The following SPAG16 variants were observed in gnomAD, a reference collection of about 807,000 sequenced individuals.
The protein encoded by SPAG16 is sperm-associated antigen 16 protein.
Under a neutral mutation model 80.4 loss-of-function variants are expected in SPAG16, and 86 were observed. The ratio of observed to expected loss-of-function variants is 1.07; its 90% CI spans 0.90 to 1.28. The LOEUF is 1.28. Ranked by LOEUF, SPAG16 falls within the 50% of genes most tolerant of loss-of-function variation. The pLI is 0.00. For missense variants in SPAG16, 870 were observed against 765.3 expected (o/e 1.14, Z -1.61); for synonymous variants, 294 against 265.9 (o/e 1.11, Z -1.03).
chr2:213,535,683 C>G (rs1402382329), intron 10 of SPAG16, among the ~76,000 whole-genome samples: 2 of 152,040 alleles, frequency 1.3e-5, no homozygotes, highest in Non-Finnish European at 2.9e-5. Flanking sequence ...CAGTTTTTAA[C>G]ATTTATGAGT....
At chr2:214,211,195 T>TTAG (rs1456513385) in intron 15 of SPAG16, among the ~76,000 whole-genome samples, 3 of 152,174 alleles carry the variant, frequency 2.0e-5, no homozygotes, top group African/African-American at 7.2e-5. Context: ...TTTGAATGTA[T>TTAG]TAGTCTAGTT....
chr2:213,329,524 G>C (rs975531199), intron 5 of SPAG16, among the ~76,000 whole-genome samples: 1 of 152,160 alleles, frequency 6.6e-6, no homozygotes, highest in African/African-American at 2.4e-5. Flanking sequence ...GTTATTATCT[G>C]GTGGAAGAAA....
intron 15 of SPAG16, among the ~76,000 whole-genome samples, chr2:214,400,156 A>G (rs1404178789): frequency 1.3e-5 from 2 of 152,172 alleles, no homozygotes; most frequent in Admixed American, 1.3e-4. Flanking sequence ...ATAGGGGGGA[A>G]ATATTTTTAA....
intron 12 of SPAG16, among the ~76,000 whole-genome samples, chr2:213,979,576 A>C (rs1400382388): frequency 6.6e-6 from 1 of 152,080 alleles, no homozygotes; most frequent in African/African-American, 2.4e-5. Context: ...CCAGACACTT[A>C]TAAAACCATC....
chr2:213,484,860 T>A (rs1268115857), intron 9 of SPAG16, among the ~76,000 whole-genome samples: 1 of 152,206 alleles, frequency 6.6e-6, no homozygotes, highest in Non-Finnish European at 1.5e-5. Flanking sequence ...GGACTATCTA[T>A]ACTAATAAGA....
chr2:213,976,250 G>A (rs1419296671), intron 12 of SPAG16, among the ~76,000 whole-genome samples: 4 of 149,930 alleles, frequency 2.7e-5, no homozygotes, highest in African/African-American at 7.4e-5. Flanking sequence ...GTATACATAC[G>A]TGTATATACA....
chr2:214,098,705 A>T (rs559561633), intron 13 of SPAG16, among the ~76,000 whole-genome samples: 116 of 152,220 alleles, frequency 7.6e-4, no homozygotes, highest in African/African-American at 2.6e-3. Flanking sequence ...GGATGAGAAC[A>T]CCACTCAATA....
intron 15 of SPAG16, among the ~76,000 whole-genome samples, chr2:214,406,252 A>T (rs905455191): frequency 2.0e-5 from 3 of 152,222 alleles, no homozygotes; most frequent in African/African-American, 7.2e-5. Context: ...GACTTCTCAC[A>T]CGTGTTTCTA....
chr2:214,122,089 A>G (rs1576277960), intron 14 of SPAG16, among the ~76,000 whole-genome samples: 1 of 151,782 alleles, frequency 6.6e-6, no homozygotes, highest in East Asian at 1.9e-4. Flanking sequence ...TGTATAATAT[A>G]AATTCCTTAT....
chr2:213,999,707 G>A, intron 12 of SPAG16, among the ~76,000 whole-genome samples: 1 of 152,228 alleles, frequency 6.6e-6, no homozygotes. Flanking sequence ...TGAGAGAGAG[G>A]CTGTACCCTG....
chr2:213,678,070 G>C (rs372144629), intron 10 of SPAG16, among the ~76,000 whole-genome samples: 59 of 151,608 alleles, frequency 3.9e-4, no homozygotes, highest in Middle Eastern at 3.4e-3. Flanking sequence ...TTGAAACCAA[G>C]GAGAACAAAG....
intron 11 of SPAG16, among the ~76,000 whole-genome samples, chr2:213,918,538 C>T (rs2078068973): frequency 6.6e-6 from 1 of 152,082 alleles, no homozygotes; most frequent in Non-Finnish European, 1.5e-5. Flanking sequence ...GCAGGACTTG[C>T]CTGTGCTGTT....
chr2:213,588,584 C>G (rs1380547990), intron 10 of SPAG16, among the ~76,000 whole-genome samples: 24 of 150,052 alleles, frequency 1.6e-4, no homozygotes, highest in African/African-American at 5.4e-4. Flanking sequence ...GGGTGGATCA[C>G]GAGGTCAGGA....
intron 9 of SPAG16, among the ~76,000 whole-genome samples, chr2:213,453,172 A>T (rs2125583423): frequency 6.6e-6 from 1 of 152,346 alleles, no homozygotes; most frequent in South Asian, 2.1e-4. Context: ...TACACTTATC[A>T]ATATCATTCT....
At chr2:213,330,395 T>G (rs777966815) in intron 5 of SPAG16, among the ~76,000 whole-genome samples, 9 of 152,200 alleles carry the variant, frequency 5.9e-5, no homozygotes, top group African/African-American at 1.2e-4. Flanking sequence ...GACCTGGATG[T>G]GAGACATGGA....
chr2:213,830,638 T>C (rs1165598405), intron 10 of SPAG16, among the ~76,000 whole-genome samples: 4 of 152,172 alleles, frequency 2.6e-5, no homozygotes, highest in African/African-American at 9.7e-5. Context: ...AAATGTGTAA[T>C]TCATTGTGAA....
At chr2:213,355,505 G>T (rs1228149926) in intron 7 of SPAG16, among the ~76,000 whole-genome samples, 4 of 152,184 alleles carry the variant, frequency 2.6e-5, no homozygotes, top group African/African-American at 9.6e-5. Context: ...AGCATGGAAT[G>T]TTCTTCCATT....
chr2:214,034,384 C>T (rs960187365), intron 13 of SPAG16, among the ~76,000 whole-genome samples: 11 of 152,218 alleles, frequency 7.2e-5, no homozygotes, highest in Admixed American at 5.2e-4. Flanking sequence ...ATTAGTGTTA[C>T]AGGATCTTTG....
intron 10 of SPAG16, among the ~76,000 whole-genome samples, chr2:213,856,074 G>A (rs1471912323): frequency 2.0e-5 from 3 of 152,160 alleles, no homozygotes; most frequent in Non-Finnish European, 4.4e-5. Context: ...AAGCAAGTTA[G>A]TTACTTCCTA....
Sources: allele counts gnomAD v4.1 joint callset (sites outside exome capture counted in the v4.1 genomes callset), GRCh38; gene constraint gnomAD v4.1.1; transcripts MANE v1.5; gene names NCBI Gene and HGNC (gene_info 2026-07-23, HGNC 2026-07-21).